The following DUSP14 variants were observed in gnomAD, a reference collection of about 807,000 sequenced individuals.
DUSP14 encodes dual specificity phosphatase 14.
A neutral mutation model predicts 13.2 loss-of-function variants in DUSP14; 5 were observed. The observed-to-expected ratio is 0.38, with a 90% CI of 0.20 to 0.80. The LOEUF (loss-of-function observed/expected upper bound fraction) is 0.80, where lower values mean the gene tolerates loss of function less well. Among genes scored for constraint, DUSP14 ranks in the 30% least tolerant of loss-of-function variants. The pLI, the probability that DUSP14 is intolerant of heterozygous loss-of-function variation, is 0.44. For synonymous variants in DUSP14, 91 were observed against 103.4 expected (o/e 0.88, Z 0.73); for missense variants, 185 against 264.0 (o/e 0.70, Z 2.07).
intron 1 of DUSP14, among the ~76,000 whole-genome samples, chr17:37,506,277 G>A (rs554876753): frequency 2.7e-3 from 144 of 54,122 alleles, no homozygotes; most frequent in Non-Finnish European, 4.1e-3. Context: ...CCCCGCCCCC[G>A]TCCCCCTGCA....
At chr17:37,505,130 T>C (rs1022152461) in intron 1 of DUSP14, among the ~76,000 whole-genome samples, 3 of 152,090 alleles carry the variant, frequency 2.0e-5, no homozygotes, top group Admixed American at 6.6e-5. Flanking sequence ...GGGGTAGAAA[T>C]GGGGTTTCAC....
At chr17:37,489,881 C>A (rs2054013922), upstream of DUSP14, 1 of 147,808 alleles carries the variant, frequency 6.8e-6, no homozygotes, top group Non-Finnish European at 1.5e-5. Context: ...GCGCGCGCGG[C>A]GCCCAGCCCG....
At chr17:37,496,256 G>A (rs1049351018) in intron 1 of DUSP14, among the ~76,000 whole-genome samples, 44 of 152,194 alleles carry the variant, frequency 2.9e-4, no homozygotes, top group African/African-American at 1.1e-3. Context: ...CGACAACTAT[G>A]TGTTGTTAAT....
At chr17:37,507,324 C>G (rs967438220) in intron 1 of DUSP14, among the ~76,000 whole-genome samples, 1 of 152,152 alleles carries the variant, frequency 6.6e-6, no homozygotes, top group African/African-American at 2.4e-5. Context: ...GATTCTGCCC[C>G]GAGGGCTCAC....
At chr17:37,507,823 G>A (rs993358153) in intron 1 of DUSP14, among the ~76,000 whole-genome samples, 17 of 152,114 alleles carry the variant, frequency 1.1e-4, no homozygotes, top group Admixed American at 8.5e-4. Context: ...AATGAGGAGC[G>A]TCATCCCCAG....
intron 1 of DUSP14, among the ~76,000 whole-genome samples, chr17:37,505,142 A>G (rs1056482937): frequency 9.2e-5 from 14 of 152,296 alleles, no homozygotes; most frequent in African/African-American, 2.9e-4. Flanking sequence ...GGGTTTCACC[A>G]TGTTGCCCAG....
chr17:37,505,023 C>T lies in DUSP14; in HGVS notation c.-180-5654C>T, dbSNP rs116044009. 6.2e-3 allele frequency among the ~76,000 whole-genome samples: 943 copies of T among 152,330 alleles called. 13 individuals are homozygous for T. The highest frequency in any genetic ancestry group is 0.022 in the African/African-American group (896 of 41,566). ...TCTAGTGCCTCAGCCTCCCAGGTAGCTGGGATTCCAGGTGCACACCACTAT... is the reference window on the plus strand; with the variant it reads ...TCTAGTGCCTCAGCCTCCCAGGTAGTTGGGATTCCAGGTGCACACCACTAT... On this transcript the variant is annotated intron_variant, in intron 1 of 2. Transcript: ENST00000617516.
intron 1 of DUSP14, among the ~76,000 whole-genome samples, chr17:37,503,266 A>G (rs1424758069): frequency 6.6e-6 from 1 of 152,162 alleles, no homozygotes; most frequent in Non-Finnish European, 1.5e-5. Context: ...CTCTATAAAA[A>G]ATACAAACAT....
At chr17:37,509,297 AGT>A (rs71135737) in intron 1 of DUSP14, among the ~76,000 whole-genome samples, 5 of 26,794 alleles carry the variant, frequency 1.9e-4, no homozygotes, top group Non-Finnish European at 2.8e-4. Context: ...ATATATATAT[AGT>A]GTGTGTGTGT....
chr17:37,507,770 T>G (rs2054147647), intron 1 of DUSP14, among the ~76,000 whole-genome samples: 1 of 152,114 alleles, frequency 6.6e-6, no homozygotes, highest in Admixed American at 6.6e-5. Context: ...AACAACTAGA[T>G]AACCTACTTG....
intron 1 of DUSP14, among the ~76,000 whole-genome samples, chr17:37,504,734 T>A (rs1366854069): frequency 1.3e-5 from 2 of 152,038 alleles, no homozygotes; most frequent in African/African-American, 4.8e-5. Flanking sequence ...CATGAAACCA[T>A]GCCCGGCTAA....
In DUSP14 at chr17:37,512,124, G is replaced by A. The variant is rs150181646; in HGVS notation, c.-92-57G>A. 1.9e-3 allele frequency: 1,221 copies of A among 627,804 alleles called. 11 individuals carry two copies. In the African/African-American group the frequency reaches 0.02, roughly 10 times the overall value. 38.9% of individuals were successfully genotyped at this position (627,804 alleles called of 1,614,324 possible). A position where few individuals can be genotyped will look rare whatever the true frequency, so the allele number is the denominator to read the frequency against. On this transcript the variant is annotated intron_variant, in intron 2 of 2. Transcript: ENST00000617516. This position sits in a 1 kb window ranked among gnomAD's most constrained non-coding sequence, Gnocchi z 4.8. The stretch of plus-strand genomic sequence containing the variant: ...ATCTTCCCATTTGACAAATGTGACA[G>A]AAGGCTGTGATGAATCAGTAGCATT...
At chr17:37,489,048 C>T (rs2054007177), upstream of DUSP14, among the ~76,000 whole-genome samples, 1 of 152,208 alleles carries the variant, frequency 6.6e-6, no homozygotes, top group African/African-American at 2.4e-5. Flanking sequence ...CACGTGTCTC[C>T]CTTCACCTGC....
chr17:37,490,796 AAG>A (rs773056914), intron 1 of DUSP14, among the ~76,000 whole-genome samples: 8 of 152,008 alleles, frequency 5.3e-5, no homozygotes, highest in Non-Finnish European at 7.4e-5. Flanking sequence ...ATCGTTTTAT[AAG>A]AGAGGGGGGT....
Position 37,513,275 on chromosome 17 carries a change from A to G in DUSP14, c.*406A>G, listed in dbSNP as rs2143144253. 6.3e-6 allele frequency: 1 copy of G among 159,178 alleles called. No homozygotes were observed. Among genetic ancestry groups the G allele is most frequent in the East Asian group, 2.4e-4 (1 of 4,222 alleles). The allele number at this position is 159,178 out of a possible 1,614,324, so 9.9% of individuals were successfully genotyped here. On this transcript the variant is annotated 3_prime_UTR_variant, in exon 3 of 3. Transcript: ENST00000617516. ...AGCTTTGCCCCAGGCTGCGGACCAG[A>G]CAGATGCTTAGGGAAGGTTGATAAC...
intron 1 of DUSP14, among the ~76,000 whole-genome samples, chr17:37,505,729 C>T (rs1173801455): frequency 6.8e-6 from 1 of 146,494 alleles, no homozygotes; most frequent in East Asian, 2.0e-4. Flanking sequence ...TGTAGCAATT[C>T]TGAGTGTCAG....
Position 37,513,297 on chromosome 17 carries a change from TA to T in DUSP14, c.*430del, listed in dbSNP as rs11317104. ...CAGACAGATGCTTAGGGAAGGTTGATAACCAGCTTCAGTCTCTACTGGATTA... is the reference window on the plus strand; with the variant it reads ...CAGACAGATGCTTAGGGAAGGTTGATACCAGCTTCAGTCTCTACTGGATTA... On this transcript the variant is annotated 3_prime_UTR_variant, in exon 3 of 3. Coordinates refer to ENST00000617516, the MANE Select transcript of DUSP14 (RefSeq NM_007026.4). 0.67 allele frequency: 121,397 copies of T among 180,754 alleles called. 41,250 individuals carry two copies. The highest frequency in any genetic ancestry group is 0.97 in the East Asian group (5,541 of 5,740). The allele number at this position is 180,754 out of a possible 1,614,324, so 11.2% of individuals were successfully genotyped here. A position where few individuals can be genotyped will look rare whatever the true frequency, so the allele number is the denominator to read the frequency against.
intron 1 of DUSP14, among the ~76,000 whole-genome samples, chr17:37,493,858 A>G (rs962786646): frequency 2.0e-5 from 3 of 152,058 alleles, no homozygotes; most frequent in South Asian, 2.1e-4. Flanking sequence ...GCAGGAACCC[A>G]GGCCTATCCT....
intron 1 of DUSP14, among the ~76,000 whole-genome samples, chr17:37,509,531 A>G (rs1237210513): frequency 6.6e-6 from 1 of 151,628 alleles, no homozygotes; most frequent in African/African-American, 2.4e-5. Flanking sequence ...CACATTGGCA[A>G]GGCTGGTCTC....
Sources: gnomAD v4.1 joint callset for allele counts (sites outside exome capture counted in the v4.1 genomes callset) on GRCh38, gnomAD v4.1.1 for gene constraint, Gnocchi (gnomAD v3.1) non-coding constraint, MANE v1.5 for transcripts, NCBI Gene and HGNC (gene_info 2026-07-23, HGNC 2026-07-21) for gene names.